CNTNAP2: variants seen among roughly 807,000 people sequenced by gnomAD.
The protein encoded by CNTNAP2 is contactin associated protein 2, also known as contactin-associated protein-like 2.
A neutral mutation model predicts 155.2 loss-of-function variants in CNTNAP2; 98 were observed. The ratio of observed to expected loss-of-function variants is 0.63; its 90% CI spans 0.54 to 0.75. The LOEUF is 0.75. Ranked by LOEUF, CNTNAP2 falls within the 30% of genes least tolerant of loss-of-function variation. The pLI, the probability that CNTNAP2 is intolerant of heterozygous loss-of-function variation, is 0.00. For missense variants in CNTNAP2, 1,727 were observed against 1,688.1 expected (o/e 1.02, Z -0.40); for synonymous variants, 651 against 631.2 (o/e 1.03, Z -0.47).
intron 1 of CNTNAP2, among the ~76,000 whole-genome samples, chr7:146,704,829 A>G (rs1585049814): frequency 6.6e-6 from 1 of 152,120 alleles, no homozygotes; most frequent in Admixed American, 6.6e-5. Flanking sequence ...ATCTTCTTCT[A>G]TTGACTATAT....
At chr7:147,293,093 A>C (rs1215291362) in intron 8 of CNTNAP2, among the ~76,000 whole-genome samples, 1 of 152,122 alleles carries the variant, frequency 6.6e-6, no homozygotes, top group Non-Finnish European at 1.5e-5. Context: ...CTAATAACAC[A>C]TCCAAAAAAT....
chr7:147,487,669 A>G (rs1323259411), intron 11 of CNTNAP2, among the ~76,000 whole-genome samples: 4 of 150,928 alleles, frequency 2.7e-5, no homozygotes, highest in African/African-American at 9.8e-5. Context: ...TTTTTTTATA[A>G]CTGTTTCCAT....
chr7:147,818,928 A>G (rs978689318), intron 13 of CNTNAP2, among the ~76,000 whole-genome samples: 4 of 152,170 alleles, frequency 2.6e-5, no homozygotes, highest in Admixed American at 6.5e-5. Context: ...ATATCCTTCA[A>G]GGTAAATTCC....
chr7:147,364,677 G>A (rs566909737), intron 9 of CNTNAP2, among the ~76,000 whole-genome samples: 9 of 152,222 alleles, frequency 5.9e-5, no homozygotes, highest in Admixed American at 2.0e-4. Flanking sequence ...GTGAAACCCC[G>A]TCTCTGCTAA....
At chr7:147,506,135 A>G (rs954128257) in intron 11 of CNTNAP2, among the ~76,000 whole-genome samples, 1 of 152,210 alleles carries the variant, frequency 6.6e-6, no homozygotes, top group Non-Finnish European at 1.5e-5. Flanking sequence ...ACTACTAGCA[A>G]CAGAGGAAGG....
At chr7:148,222,877 C>T (rs1417506631) in intron 19 of CNTNAP2, among the ~76,000 whole-genome samples, 2 of 152,180 alleles carry the variant, frequency 1.3e-5, no homozygotes, top group African/African-American at 4.8e-5. Context: ...GGTTTGAGGT[C>T]GGCTTTGCCT....
intron 1 of CNTNAP2, among the ~76,000 whole-genome samples, chr7:146,657,965 TA>T (rs1054619626): frequency 6.6e-6 from 1 of 152,060 alleles, no homozygotes; most frequent in Non-Finnish European, 1.5e-5. Context: ...TTTCAGCCTG[TA>T]AAACATACAT....
At chr7:147,955,387 T>C (rs1313727797) in intron 14 of CNTNAP2, among the ~76,000 whole-genome samples, 1 of 152,162 alleles carries the variant, frequency 6.6e-6, no homozygotes, top group African/African-American at 2.4e-5. Context: ...CTTTTATTTT[T>C]TAAAAAAACT....
intron 9 of CNTNAP2, among the ~76,000 whole-genome samples, chr7:147,369,017 G>A (rs965028138): frequency 2.6e-5 from 4 of 152,162 alleles, no homozygotes; most frequent in African/African-American, 9.7e-5. Flanking sequence ...GCTGAAATTA[G>A]GTCACAAGTA....
intron 22 of CNTNAP2, among the ~76,000 whole-genome samples, chr7:148,391,952 C>T (rs879425574): frequency 7.2e-5 from 11 of 152,200 alleles, no homozygotes; most frequent in Non-Finnish European, 1.0e-4. Flanking sequence ...ATACAGAATA[C>T]GTCAGACCAA....
intron 1 of CNTNAP2, among the ~76,000 whole-genome samples, chr7:146,467,541 A>G (rs954875260): frequency 4.6e-5 from 7 of 152,166 alleles, no homozygotes; most frequent in African/African-American, 1.7e-4. Flanking sequence ...TAAATTCTAC[A>G]GGAAATAATT....
chr7:146,832,056 A>G (rs1349507742), intron 2 of CNTNAP2, among the ~76,000 whole-genome samples: 1 of 152,204 alleles, frequency 6.6e-6, no homozygotes, highest in Admixed American at 6.5e-5. Context: ...ACTCTAATCA[A>G]CAAATATCTG....
intron 9 of CNTNAP2, among the ~76,000 whole-genome samples, chr7:147,350,636 G>A (rs1307110525): frequency 1.3e-5 from 2 of 151,746 alleles, no homozygotes; most frequent in Admixed American, 1.3e-4. Flanking sequence ...TTTTTCTGCT[G>A]TACATTAGTT....
intron 1 of CNTNAP2, among the ~76,000 whole-genome samples, chr7:146,719,520 C>A (rs75677989): frequency 6.6e-6 from 1 of 152,244 alleles, no homozygotes; most frequent in Middle Eastern, 3.4e-3. Flanking sequence ...ATATAACAGA[C>A]AAACCACTTC....
intron 3 of CNTNAP2, among the ~76,000 whole-genome samples, chr7:146,934,530 A>C (rs1205681093): frequency 6.6e-6 from 1 of 152,044 alleles, no homozygotes; most frequent in Non-Finnish European, 1.5e-5. Flanking sequence ...GCACACTAGC[A>C]TGGCACATGT....
At chr7:147,083,541 T>TATATATATACAC (rs1800186699) in intron 4 of CNTNAP2, among the ~76,000 whole-genome samples, 1 of 129,218 alleles carries the variant, frequency 7.7e-6, no homozygotes, top group African/African-American at 3.7e-5. Flanking sequence ...TATATACATA[T>TATATATATACAC]ATATATATGT....
At chr7:147,474,253 G>A (rs963372161) in intron 10 of CNTNAP2, among the ~76,000 whole-genome samples, 1 of 151,918 alleles carries the variant, frequency 6.6e-6, no homozygotes, top group Non-Finnish European at 1.5e-5. Context: ...AGATTAGAGA[G>A]CTCAGATGTG....
intron 16 of CNTNAP2, among the ~76,000 whole-genome samples, chr7:148,120,690 C>A (rs1009280563): frequency 1.3e-5 from 2 of 152,134 alleles, no homozygotes; most frequent in Non-Finnish European, 2.9e-5. Flanking sequence ...TGTCAAATAC[C>A]TTTACTTTCA....
At chr7:146,956,656 A>G (rs1424286463) in intron 3 of CNTNAP2, among the ~76,000 whole-genome samples, 1 of 152,168 alleles carries the variant, frequency 6.6e-6, no homozygotes, top group East Asian at 1.9e-4. Context: ...AATTTCCAGC[A>G]CTTTTCTTTT....
Sources: gnomAD v4.1 joint callset for allele counts (sites outside exome capture counted in the v4.1 genomes callset) on GRCh38, gnomAD v4.1.1 for gene constraint, MANE v1.5 for transcripts, NCBI Gene and HGNC (gene_info 2026-07-23, HGNC 2026-07-21) for gene names.